Variants in CDCA2 observed in about 807,000 individuals in gnomAD.
CDCA2 encodes the protein cell division cycle-associated protein 2.
Under a neutral mutation model 67.0 loss-of-function variants are expected in CDCA2, and 44 were observed. The ratio of observed to expected loss-of-function variants is 0.66; its 90% CI spans 0.52 to 0.84. CDCA2 has a LOEUF of 0.84. Ranked by LOEUF, CDCA2 falls within the 40% of genes least tolerant of loss-of-function variation. The probability of loss-of-function intolerance (pLI) is 0.00; values close to 1 mark genes in which losing one functional copy is unlikely to be tolerated. For missense variants in CDCA2, 1,253 were observed against 1,203.2 expected, an observed-to-expected ratio of 1.04 and a Z score of -0.61; for synonymous variants, 447 against 418.7, an observed-to-expected ratio of 1.07 and a Z score of -0.82.
At chr8:25,480,160 T>G in intron 8 of CDCA2, 36 bp downstream of exon 8, 2 of 1,533,568 alleles carry the variant, frequency 1.3e-6, no homozygotes, top group Non-Finnish European at 1.8e-6. Context: ...AGCAAATGAA[T>G]AAAAATGCAT....
intron 11 of CDCA2, 75 bp downstream of exon 11, chr8:25,485,912 T>C (rs775524395): frequency 3.0e-5 from 26 of 872,054 alleles, no homozygotes; most frequent in Non-Finnish European, 4.5e-5. Context: ...TTGTTTTCTT[T>C]TAAAAATTTC....
intron 13 of CDCA2, among the ~76,000 whole-genome samples, chr8:25,493,791 G>T (rs1804102612): frequency 6.6e-6 from 1 of 152,122 alleles, no homozygotes; most frequent in South Asian, 2.1e-4. Context: ...GGGCAAACAG[G>T]CACACTCATA....
rs781659144 is a variant in CDCA2, at chr8:25,479,876, ATCT to A, written c.821-33_821-31del. The A allele has an allele frequency of 3.1e-6, 5 of 1,587,304 alleles. No individual in the cohort carries two copies. The South Asian group carries it at 4.4e-5, about 14-fold the overall frequency. ...GGTCTAGAACAAACAGATTTAAGAG[ATCT>A]TCTGCCTCTCAAGTTTACATGTTTA... On this transcript the variant is annotated intron_variant, in intron 7 of 14. Transcript: ENST00000330560.
intron 13 of CDCA2, 108 bp downstream of exon 13, chr8:25,488,797 G>A: frequency 9.1e-7 from 1 of 1,099,744 alleles, no homozygotes. Context: ...TTTGGACCAA[G>A]ATTATTAATG....
Position 25,506,717 on chromosome 8 carries a change from A to C in CDCA2, c.2051A>C (p.Asn684Thr), listed in dbSNP as rs1804694623. Reference protein sequence around the residue: ...SDEDPNTNIMNINENKNIPKA... With the variant: ...SDEDPNTNIMTINENKNIPKA... Reference sequence around the variant, plus strand: ...GAAGATCCAAATACAAATATAATGAACATTAATGAAAATAAAAATATTCCA... The same window carrying C: ...GAAGATCCAAATACAAATATAATGACCATTAATGAAAATAAAAATATTCCA... The change falls in exon 15 of 15, where the codon AAC becomes ACC. Residue 684 changes from asparagine to threonine, a missense_variant. Asn to Thr is a moderately conservative substitution (Grantham distance 65, BLOSUM62 0). Transcript: ENST00000330560. 6.2e-7 allele frequency: 1 copy of C among 1,611,226 alleles called. No individual in the cohort carries two copies. Among genetic ancestry groups the C allele is most frequent in the Admixed American group, 1.7e-5 (1 of 59,412 alleles).
intron 13 of CDCA2, among the ~76,000 whole-genome samples, chr8:25,491,057 T>C (rs1368961348): frequency 2.7e-5 from 4 of 149,458 alleles, no homozygotes; most frequent in Non-Finnish European, 4.4e-5. Flanking sequence ...TAAGAAAATA[T>C]CATCTGCATA....
chr8:25,498,034 T>A (rs1804304537), intron 13 of CDCA2, among the ~76,000 whole-genome samples: 1 of 152,098 alleles, frequency 6.6e-6, no homozygotes, highest in Non-Finnish European at 1.5e-5. Context: ...AGCCATAGAA[T>A]AAAAGAGACT....
At chr8:25,469,532 A>G (rs1381994260) in intron 6 of CDCA2, among the ~76,000 whole-genome samples, 2 of 152,220 alleles carry the variant, frequency 1.3e-5, no homozygotes, top group Non-Finnish European at 2.9e-5. Flanking sequence ...TAATAATTAT[A>G]TAAACTTTAT....
chr8:25,490,444 A>G (rs556416250), intron 13 of CDCA2, among the ~76,000 whole-genome samples: 11 of 151,928 alleles, frequency 7.2e-5, no homozygotes, highest in African/African-American at 2.4e-4. Flanking sequence ...TTTCTAGAAG[A>G]CCAAGCAGAT....
rs964752446 is a variant in CDCA2 at position 25,483,898 on chromosome 8, G to T, written c.1121-68G>T. On this transcript the variant is annotated intron_variant, in intron 9 of 14. Transcript: ENST00000330560. ...AATATTATCACATTAAAAGATTCTA[G>T]TATATGCCTTTTAGATAAGAAATAT... The T allele has an allele frequency of 3.8e-6, 5 of 1,313,616 alleles. No individual in the cohort carries two copies. In the South Asian group the frequency reaches 6.5e-5, roughly 17 times the overall value. The allele number at this position is 1,313,616 out of a possible 1,614,324, so 81.4% of individuals were successfully genotyped here.
chr8:25,497,750 A>G (rs1416078522), intron 13 of CDCA2, among the ~76,000 whole-genome samples: 2 of 152,166 alleles, frequency 1.3e-5, no homozygotes, highest in African/African-American at 4.8e-5. Context: ...AGTGGTGGAT[A>G]TGTTAGTTTA....
At chr8:25,498,685 T>C (rs1804347913) in intron 13 of CDCA2, among the ~76,000 whole-genome samples, 1 of 152,028 alleles carries the variant, frequency 6.6e-6, no homozygotes, top group South Asian at 2.1e-4. Flanking sequence ...CCAGACAGCT[T>C]TCCCATGGCC....
intron 13 of CDCA2, among the ~76,000 whole-genome samples, chr8:25,495,307 C>G (rs1333972885): frequency 6.6e-6 from 1 of 152,138 alleles, no homozygotes; most frequent in African/African-American, 2.4e-5. Flanking sequence ...AGAAAGAGAA[C>G]AATCTCTAAT....
rs71511103 is a variant in CDCA2 at position 25,478,888 on chromosome 8, GTA to G, written c.821-1001_821-1000del. On this transcript the variant is annotated intron_variant, in intron 7 of 14. Coordinates refer to ENST00000330560, the MANE Select transcript of CDCA2 (RefSeq NM_152562.4). ...TATATTAACTACTTGTTGTGTGTGT[GTA>G]TATATATATATATATATATATATTA... Among the ~76,000 whole-genome samples, 207 of 111,602 alleles carry G rather than the reference GTA, an allele frequency of 1.9e-3. 2 individuals carry two copies. Among genetic ancestry groups the G allele is most frequent in the African/African-American group, 4.0e-3 (101 of 25,184 alleles). The allele number at this position is 111,602 out of a possible 152,430, so 73.2% of individuals were successfully genotyped here. A position where few individuals can be genotyped will look rare whatever the true frequency, so the allele number is the denominator to read the frequency against.
chr8:25,505,233 ACT>A (rs968523584), intron 14 of CDCA2, among the ~76,000 whole-genome samples: 1 of 151,772 alleles, frequency 6.6e-6, no homozygotes, highest in African/African-American at 2.4e-5. Context: ...ATGGAGTCTC[ACT>A]CTGTCGCCCA....
chr8:25,492,646 C>G (rs774955655), intron 13 of CDCA2, among the ~76,000 whole-genome samples: 1 of 152,164 alleles, frequency 6.6e-6, no homozygotes, highest in Admixed American at 6.5e-5. Flanking sequence ...TCATCTCCCT[C>G]AAGGGGCCCG....
intron 13 of CDCA2, among the ~76,000 whole-genome samples, chr8:25,494,511 A>T (rs1284801516): frequency 6.6e-6 from 1 of 152,210 alleles, no homozygotes; most frequent in Non-Finnish European, 1.5e-5. Flanking sequence ...GCTCTATGCA[A>T]ATACTGTGCC....
Position 25,479,933 on chromosome 8 carries a change from G to A in CDCA2, c.841G>A (p.Val281Ile). The A allele has an allele frequency of 6.2e-7, 1 of 1,614,188 alleles. No individual in the cohort carries two copies. Among genetic ancestry groups the A allele is most frequent in the Non-Finnish European group, 8.5e-7 (1 of 1,180,034 alleles). ...TSNALKVADC[V>I]VGKGSSDAVS... ...TGAAGCACTAAAGGTTGCTGACTGT[G>A]TAGTGGGCAAAGGATCAAGTGATGC... is the stretch of plus-strand genomic sequence containing the variant. Residue 281 changes from valine to isoleucine, a missense_variant, in exon 8 of 15, where the codon GTA becomes ATA. Physicochemically the swap from Val to Ile is conservative, Grantham distance 29 (BLOSUM62 3). Coordinates refer to ENST00000330560, the MANE Select transcript of CDCA2 (RefSeq NM_152562.4).
In CDCA2 at chr8:25,460,283, C is replaced by T; in HGVS notation, c.44C>T (p.Ser15Phe). The change falls in exon 2 of 15, where the codon TCT (serine) becomes TTT (phenylalanine). Residue 15 changes from serine to phenylalanine, a missense_variant. Coordinates refer to ENST00000330560, the MANE Select transcript of CDCA2 (RefSeq NM_152562.4). ...SKDKPPETKE[S>F]AMNNAGNASF... Reference sequence around the variant, plus strand: ...GACAAGCCCCCTGAAACCAAGGAGTCTGCAATGAATAATGCTGGTATGTGA... The same window carrying T: ...GACAAGCCCCCTGAAACCAAGGAGTTTGCAATGAATAATGCTGGTATGTGA... The T allele has an allele frequency of 6.2e-7, 1 of 1,614,162 alleles. No individual in the cohort carries two copies. The highest frequency in any genetic ancestry group is 8.5e-7 in the Non-Finnish European group (1 of 1,180,020).
Sources: gnomAD v4.1 joint callset for allele counts (sites outside exome capture counted in the v4.1 genomes callset) on GRCh38, gnomAD v4.1.1 for gene constraint, MANE v1.5 for transcripts, NCBI Gene and HGNC (gene_info 2026-07-23, HGNC 2026-07-21) for gene names.